The following SERTM1 variants were observed in gnomAD, a reference collection of about 807,000 sequenced individuals.
The protein encoded by SERTM1 is serine-rich and transmembrane domain-containing protein 1.
SERTM1 carries 1 observed loss-of-function variant against 5.5 expected under a neutral mutation model. The observed-to-expected ratio is 0.18, with a 90% CI of 0.06 to 0.86. The LOEUF (loss-of-function observed/expected upper bound fraction) is 0.86, where lower values mean the gene tolerates loss of function less well. SERTM1 is among the 40% of genes least tolerant of loss of function. The pLI, the probability that SERTM1 is intolerant of heterozygous loss-of-function variation, is 0.69. For missense variants in SERTM1, 91 were observed against 122.4 expected, an observed-to-expected ratio of 0.74 and a Z score of 1.21; for synonymous variants, 52 against 55.1, an observed-to-expected ratio of 0.94 and a Z score of 0.25.
rs544435181 is a variant in SERTM1, at chr13:36,680,336, G to A, written c.-174+6152G>A. 3.9e-5 allele frequency among the ~76,000 whole-genome samples: 6 copies of A among 152,094 alleles called. No homozygotes were observed. In the South Asian group the frequency reaches 8.3e-4, roughly 21 times the overall value. On this transcript the variant is annotated intron_variant, in intron 1 of 1. Coordinates refer to ENST00000315190, the MANE Select transcript of SERTM1 (RefSeq NM_203451.3). ...CAAGTGTCGCCTTATTATCCCTGTC[G>A]GTTTTGGCCTTACATTTTTCCACTG...
intron 1 of SERTM1, among the ~76,000 whole-genome samples, chr13:36,677,111 G>T (rs1348381697): frequency 2.6e-5 from 4 of 152,122 alleles, no homozygotes; most frequent in Non-Finnish European, 4.4e-5. Context: ...GTATCCCTAG[G>T]ATACAACGTC....
chr13:36,675,590 A>G (rs2056664901), intron 1 of SERTM1, among the ~76,000 whole-genome samples: 1 of 152,206 alleles, frequency 6.6e-6, no homozygotes, highest in Non-Finnish European at 1.5e-5. Flanking sequence ...TCATGCCCAT[A>G]GAGGTTCTTA....
At chr13:36,694,101 G>A (rs973646174) in intron 1 of SERTM1, among the ~76,000 whole-genome samples, 26 of 152,158 alleles carry the variant, frequency 1.7e-4, no homozygotes, top group African/African-American at 6.3e-4. Flanking sequence ...ATGTTGGTCA[G>A]TGCATAACAC....
At chr13:36,677,047 C>T (rs2138082626) in intron 1 of SERTM1, among the ~76,000 whole-genome samples, 1 of 152,264 alleles carries the variant, frequency 6.6e-6, no homozygotes, top group Admixed American at 6.5e-5. Flanking sequence ...GGGCAACAGT[C>T]TACTGGGCCA....
At chr13:36,679,614 G>A (rs2056690969) in intron 1 of SERTM1, among the ~76,000 whole-genome samples, 1 of 152,068 alleles carries the variant, frequency 6.6e-6, no homozygotes, top group South Asian at 2.1e-4. Flanking sequence ...CACCATGCTG[G>A]CCAGCTGGTC....
At chr13:36,679,407 G>GTTTGTTT (rs959776781) in intron 1 of SERTM1, among the ~76,000 whole-genome samples, 8 of 151,944 alleles carry the variant, frequency 5.3e-5, no homozygotes, top group African/African-American at 1.9e-4. Flanking sequence ...TTTTGTTTTT[G>GTTTGTTT]TTTGTTTTTT....
chr13:36,687,599 C>A (rs570750546), intron 1 of SERTM1, among the ~76,000 whole-genome samples: 22 of 151,950 alleles, frequency 1.4e-4, no homozygotes, highest in Non-Finnish European at 3.2e-4. Context: ...AAATAGAGAA[C>A]TTGATACATT....
chr13:36,675,769 G>A (rs1347571440), intron 1 of SERTM1, among the ~76,000 whole-genome samples: 1 of 152,154 alleles, frequency 6.6e-6, no homozygotes, highest in Admixed American at 6.5e-5. Flanking sequence ...CTCAGCCCAT[G>A]CCCTAGTCAC....
In SERTM1 at chr13:36,697,229, A is replaced by G. The variant is rs1476839815; in HGVS notation, c.*1827A>G. 3 of 166,394 alleles carry G rather than the reference A, an allele frequency of 1.8e-5. No homozygotes were observed. Among genetic ancestry groups the G allele is most frequent in the African/African-American group, 7.3e-5 (3 of 41,242 alleles). The allele number at this position is 166,394 out of a possible 1,614,324, so 10.3% of individuals were successfully genotyped here. On this transcript the variant is annotated 3_prime_UTR_variant, in exon 2 of 2. Coordinates refer to ENST00000315190, the MANE Select transcript of SERTM1 (RefSeq NM_203451.3). ...ATGTAGTATAAAAACTGGACTAGAT[A>G]AACTGCTATTTTAGAGCATTATTAG...
At chr13:36,688,490 G>A (rs1379901148) in intron 1 of SERTM1, among the ~76,000 whole-genome samples, 1 of 152,136 alleles carries the variant, frequency 6.6e-6, no homozygotes, top group African/African-American at 2.4e-5. Flanking sequence ...TGGGATTACA[G>A]GCATAAGTCA....
chr13:36,681,999 C>A (rs1052964647), intron 1 of SERTM1, among the ~76,000 whole-genome samples: 1 of 152,168 alleles, frequency 6.6e-6, no homozygotes, highest in Non-Finnish European at 1.5e-5. Flanking sequence ...GCCCTGGAAC[C>A]AGAAACTATT....
At chr13:36,675,652 C>A (rs2056665323) in intron 1 of SERTM1, among the ~76,000 whole-genome samples, 1 of 152,242 alleles carries the variant, frequency 6.6e-6, no homozygotes, top group South Asian at 2.1e-4. Context: ...AGAGTAGTGT[C>A]TTTTCCCCCG....
chr13:36,685,338 TTC>T (rs1344022614), intron 1 of SERTM1, among the ~76,000 whole-genome samples: 1 of 152,206 alleles, frequency 6.6e-6, no homozygotes, highest in Admixed American at 6.5e-5. Context: ...AACGTCCTCT[TTC>T]TGTTTTCTCC....
chr13:36,677,694 C>T (rs1171833568), intron 1 of SERTM1, among the ~76,000 whole-genome samples: 1 of 152,162 alleles, frequency 6.6e-6, no homozygotes, highest in African/African-American at 2.4e-5. Flanking sequence ...CGTATAGATT[C>T]ACTTCCCAGG....
chr13:36,680,887 G>A (rs538523454), intron 1 of SERTM1, among the ~76,000 whole-genome samples: 1 of 152,284 alleles, frequency 6.6e-6, no homozygotes, highest in South Asian at 2.1e-4. Flanking sequence ...GGAAAGTTAA[G>A]ATTTAGAGGG....
chr13:36,683,767 C>T (rs185638954), intron 1 of SERTM1, among the ~76,000 whole-genome samples: 19 of 152,288 alleles, frequency 1.2e-4, no homozygotes, highest in Admixed American at 1.2e-3. Flanking sequence ...GTCATACAGT[C>T]ACCCTAAATT....
At chr13:36,692,102 G>T (rs1430241075) in intron 1 of SERTM1, among the ~76,000 whole-genome samples, 1 of 152,148 alleles carries the variant, frequency 6.6e-6, no homozygotes, top group East Asian at 1.9e-4. Context: ...AATAATATTT[G>T]GGGGGAATAC....
intron 1 of SERTM1, among the ~76,000 whole-genome samples, chr13:36,683,527 A>G (rs558815206): frequency 1.6e-4 from 24 of 152,200 alleles, no homozygotes; most frequent in South Asian, 1.2e-3. Flanking sequence ...CAGTGGCTTA[A>G]AACAACAAAA....
At chr13:36,692,527 A>C (rs2056785790) in intron 1 of SERTM1, among the ~76,000 whole-genome samples, 1 of 152,236 alleles carries the variant, frequency 6.6e-6, no homozygotes, top group South Asian at 2.1e-4. Flanking sequence ...AAACTGTAGG[A>C]CTAAGAGAGA....
Sources: gnomAD v4.1 joint callset for allele counts (sites outside exome capture counted in the v4.1 genomes callset) on GRCh38, gnomAD v4.1.1 for gene constraint, MANE v1.5 for transcripts, NCBI Gene and HGNC (gene_info 2026-07-23, HGNC 2026-07-21) for gene names.